MECOM: variants seen among roughly 807,000 people sequenced by gnomAD.
The protein encoded by MECOM is MDS1 and EVI1 complex locus, also known as histone-lysine N-methyltransferase MECOM.
Under a neutral mutation model 116.3 loss-of-function variants are expected in MECOM, and 13 were observed. The ratio of observed to expected loss-of-function variants is 0.11; its 90% confidence interval spans 0.07 to 0.18. The LOEUF (loss-of-function observed/expected upper bound fraction) is 0.18, where lower values mean the gene tolerates loss of function less well. Ranked by LOEUF, MECOM falls within the 10% of genes least tolerant of loss-of-function variation. The pLI, the probability that MECOM is intolerant of heterozygous loss-of-function variation, is 1.00. For synonymous variants in MECOM, 528 were observed against 535.2 expected (o/e 0.99, Z 0.19); for missense variants, 1,299 against 1,509.0 (o/e 0.86, Z 2.31).
chr3:169,350,057 A>C (rs1726049879), intron 2 of MECOM, among the ~76,000 whole-genome samples: 1 of 152,034 alleles, frequency 6.6e-6, no homozygotes, highest in African/African-American at 2.4e-5. Flanking sequence ...CAAGAATCTT[A>C]ACAAATAATC....
At chr3:169,657,762 C>T (rs903504840) in intron 1 of MECOM, among the ~76,000 whole-genome samples, 2 of 152,238 alleles carry the variant, frequency 1.3e-5, no homozygotes, top group African/African-American at 4.8e-5. Context: ...TGAACTAGAG[C>T]AATATGTCAC....
At chr3:169,356,637 A>G (rs564840750) in intron 2 of MECOM, among the ~76,000 whole-genome samples, 2 of 151,998 alleles carry the variant, frequency 1.3e-5, no homozygotes, top group Admixed American at 1.3e-4. Flanking sequence ...TCTGGTACTT[A>G]TTATCTTTTC....
intron 2 of MECOM, among the ~76,000 whole-genome samples, chr3:169,175,155 A>C (rs1433295993): frequency 6.6e-6 from 1 of 152,198 alleles, no homozygotes; most frequent in East Asian, 1.9e-4. Context: ...GAATAACAAA[A>C]GCCCGCACTT....
At chr3:169,122,539 G>A (rs1731376383) in intron 6 of MECOM, 41 bp downstream of exon 6, 1 of 1,610,790 alleles carries the variant, frequency 6.2e-7, no homozygotes, top group African/African-American at 1.3e-5. Flanking sequence ...GAGAGAGCAG[G>A]ATGACATAGA....
chr3:169,418,110 TA>T (rs1346991884), intron 1 of MECOM, among the ~76,000 whole-genome samples: 2 of 75,516 alleles, frequency 2.6e-5, no homozygotes, highest in Non-Finnish European at 5.7e-5. Context: ...AGTATAATAA[TA>T]AAAAAAAACT....
At chr3:169,338,019 T>A (rs1723858452) in intron 2 of MECOM, among the ~76,000 whole-genome samples, 1 of 152,212 alleles carries the variant, frequency 6.6e-6, no homozygotes, top group Admixed American at 6.5e-5. Context: ...AGAGAATTCA[T>A]AAGTGCTGCA....
intron 2 of MECOM, chr3:169,147,717 T>G (rs904056900): frequency 1.3e-6 from 1 of 771,444 alleles, no homozygotes; most frequent in Non-Finnish European, 1.6e-6. Flanking sequence ...ACAAGTGTGG[T>G]GTGTGTGTGT....
At chr3:169,100,073 C>CT (rs954688340) in intron 12 of MECOM, among the ~76,000 whole-genome samples, 1 of 137,676 alleles carries the variant, frequency 7.3e-6, no homozygotes, top group South Asian at 2.4e-4. Context: ...AAGATCTATT[C>CT]TTTTTTTCTT....
intron 1 of MECOM, among the ~76,000 whole-genome samples, chr3:169,511,684 G>T (rs1177516118): frequency 1.3e-5 from 2 of 151,934 alleles, no homozygotes; most frequent in Non-Finnish European, 2.9e-5. Context: ...CACTAGAATT[G>T]CTTGAACCCA....
At chr3:169,267,357 C>T (rs1334215877) in intron 2 of MECOM, among the ~76,000 whole-genome samples, 6 of 152,162 alleles carry the variant, frequency 3.9e-5, no homozygotes, top group African/African-American at 9.7e-5. Flanking sequence ...TTCCATAGAC[C>T]GTATGGCCTT....
chr3:169,421,143 C>A (rs1739658961), intron 1 of MECOM, among the ~76,000 whole-genome samples: 1 of 152,048 alleles, frequency 6.6e-6, no homozygotes, highest in African/African-American at 2.4e-5. Flanking sequence ...GGAAAGGGTT[C>A]TATTATCTGT....
At chr3:169,404,564 C>T (rs991361391) in intron 1 of MECOM, among the ~76,000 whole-genome samples, 1 of 152,332 alleles carries the variant, frequency 6.6e-6, no homozygotes, top group Non-Finnish European at 1.5e-5. Flanking sequence ...CACACTGTTG[C>T]CTATGGGGAT....
At chr3:169,328,494 T>G (rs750474035) in intron 2 of MECOM, among the ~76,000 whole-genome samples, 3 of 152,206 alleles carry the variant, frequency 2.0e-5, no homozygotes, top group Non-Finnish European at 4.4e-5. Context: ...ACTAAATTAT[T>G]CTGCACCATG....
chr3:169,479,270 AGT>A (rs10629993), intron 1 of MECOM, among the ~76,000 whole-genome samples: 160 of 148,596 alleles, frequency 1.1e-3, no homozygotes, highest in East Asian at 3.2e-3. Context: ...TAGGGATGTG[AGT>A]GTGTGTGTGT....
intron 2 of MECOM, chr3:169,147,744 G>A: frequency 1.0e-6 from 1 of 983,882 alleles, no homozygotes; most frequent in African/African-American, 1.8e-5. Flanking sequence ...GCGCGCGAGT[G>A]TGTGTGTGCA....
chr3:169,420,432 C>CA (rs1739510249), intron 1 of MECOM, among the ~76,000 whole-genome samples: 1 of 152,048 alleles, frequency 6.6e-6, no homozygotes, highest in South Asian at 2.1e-4. Flanking sequence ...CCTTTCAATA[C>CA]CAAGAACCCA....
intron 1 of MECOM, among the ~76,000 whole-genome samples, chr3:169,475,178 T>A (rs2108814383): frequency 1.3e-5 from 2 of 152,302 alleles, no homozygotes; most frequent in Middle Eastern, 6.8e-3. Context: ...TAGCATATAA[T>A]TCTATAGGGG....
chr3:169,394,696 G>A (rs557889322), intron 1 of MECOM, among the ~76,000 whole-genome samples: 1 of 152,274 alleles, frequency 6.6e-6, no homozygotes, highest in South Asian at 2.1e-4. Flanking sequence ...ATGAGCCATA[G>A]GAGATGCTTA....
intron 2 of MECOM, 67 bp downstream of exon 2, chr3:169,381,120 T>G (rs1452304849): frequency 1.4e-6 from 2 of 1,398,866 alleles, no homozygotes; most frequent in African/African-American, 2.9e-5. Context: ...ATTTTGTGGA[T>G]GCTTAAACAA....
Sources: allele counts gnomAD v4.1 joint callset (sites outside exome capture counted in the v4.1 genomes callset), GRCh38; gene constraint gnomAD v4.1.1; transcripts MANE v1.5; gene names NCBI Gene and HGNC (gene_info 2026-07-23, HGNC 2026-07-21).